Variants in RANBP2 observed in about 807,000 individuals in gnomAD.
RANBP2 encodes the protein E3 SUMO-protein ligase RanBP2.
RANBP2 carries 57 observed loss-of-function variants against 303.6 expected under a neutral mutation model. The ratio of observed to expected loss-of-function variants is 0.19; its 90% CI spans 0.15 to 0.23. The LOEUF (loss-of-function observed/expected upper bound fraction) is 0.23. Ranked by LOEUF, RANBP2 falls within the 10% of genes least tolerant of loss-of-function variation. The probability of loss-of-function intolerance (pLI) is 1.00; values close to 1 mark genes in which losing one functional copy is unlikely to be tolerated. For synonymous variants in RANBP2, 1,167 were observed against 1,301.5 expected, an observed-to-expected ratio of 0.90 and a Z score of 2.23; for missense variants, 3,138 against 3,780.8, an observed-to-expected ratio of 0.83 and a Z score of 4.46.
chr2:108,915,883 G>A, the RANBP2 span, among the ~76,000 whole-genome samples: 1 of 151,640 alleles, frequency 6.6e-6, no homozygotes, highest in Non-Finnish European at 1.5e-5. Flanking sequence ...GGCAACAAGA[G>A]CGAAACTCCA....
At chr2:109,046,751 T>A in the RANBP2 span, among the ~76,000 whole-genome samples, 1 of 152,102 alleles carries the variant, frequency 6.6e-6, no homozygotes, top group Non-Finnish European at 1.5e-5. Context: ...GAGACAGACA[T>A]AGCACCGTGC....
chr2:108,873,473 A>G, the RANBP2 span: 1 of 1,601,730 alleles, frequency 6.2e-7, no homozygotes, highest in Non-Finnish European at 8.5e-7. Flanking sequence ...CTTTCCTGGA[A>G]GCCTGTAGCA....
chr2:109,243,084 C>T, the RANBP2 span, among the ~76,000 whole-genome samples: 7 of 152,218 alleles, frequency 4.6e-5, no homozygotes, highest in Admixed American at 1.3e-4. Context: ...ATTCCTGTAG[C>T]GTCAGCAGCA....
At chr2:109,670,249 C>T in the RANBP2 span, among the ~76,000 whole-genome samples, 33 of 151,442 alleles carry the variant, frequency 2.2e-4, no homozygotes, top group African/African-American at 8.0e-4. Flanking sequence ...AACCTCTAGG[C>T]CTATGCCCCA....
the RANBP2 span, among the ~76,000 whole-genome samples, chr2:109,119,008 A>G: frequency 6.6e-6 from 1 of 152,206 alleles, no homozygotes; most frequent in Non-Finnish European, 1.5e-5. Context: ...CTGCGATTCT[A>G]TAACGGACTT....
chr2:109,289,499 T>A, the RANBP2 span, among the ~76,000 whole-genome samples: 17 of 152,166 alleles, frequency 1.1e-4, no homozygotes, highest in Non-Finnish European at 2.4e-4. Flanking sequence ...ATACGCACTC[T>A]TGGTCAGACA....
intron 1 of RANBP2, among the ~76,000 whole-genome samples, chr2:108,728,595 TATGATGATG>T (rs56238649): frequency 0.058 from 8,494 of 145,692 alleles, 279 homozygotes; most frequent in South Asian, 0.11. Context: ...CCAGCTTATT[TATGATGATG>T]ATGATGATGA....
rs1172245242 is a variant in RANBP2 at position 108,719,585 on chromosome 2, C to T, written c.-22C>T. 1.3e-6 allele frequency: 2 copies of T among 1,597,238 alleles called. No homozygotes were observed. The highest frequency in any genetic ancestry group is 1.7e-6 in the Non-Finnish European group (2 of 1,173,778). ...GCCTGAGCGCTGGTCTCACGCGCCTCGGGAGCCAGGTTGGCGGCGCGATGA... is the reference window on the plus strand; with the variant it reads ...GCCTGAGCGCTGGTCTCACGCGCCTTGGGAGCCAGGTTGGCGGCGCGATGA... On this transcript the variant is annotated 5_prime_UTR_variant, in exon 1 of 29. Coordinates refer to ENST00000283195, the MANE Select transcript of RANBP2 (RefSeq NM_006267.5).
chr2:109,239,393 A>C, the RANBP2 span, among the ~76,000 whole-genome samples: 1 of 152,236 alleles, frequency 6.6e-6, no homozygotes, highest in Admixed American at 6.5e-5. Flanking sequence ...ACAAAAATGA[A>C]CTGAATAAGA....
At chr2:108,886,152 G>A in the RANBP2 span, among the ~76,000 whole-genome samples, 3 of 152,128 alleles carry the variant, frequency 2.0e-5, no homozygotes, top group Admixed American at 6.5e-5. Flanking sequence ...GGATCCAGTG[G>A]TAATTCTAAT....
At chr2:109,279,856 C>T in the RANBP2 span, among the ~76,000 whole-genome samples, 3 of 150,792 alleles carry the variant, frequency 2.0e-5, no homozygotes, top group Non-Finnish European at 2.9e-5. Flanking sequence ...TGCCCTGTAG[C>T]GAGGCTTAGG....
the RANBP2 span, chr2:109,544,885 T>C: frequency 1.1e-6 from 1 of 899,728 alleles, no homozygotes; most frequent in South Asian, 5.1e-5. Flanking sequence ...CTTGGAGAGC[T>C]TGCATTGAAA....
At chr2:109,259,783 A>G in the RANBP2 span, among the ~76,000 whole-genome samples, 1 of 152,176 alleles carries the variant, frequency 6.6e-6, no homozygotes, top group African/African-American at 2.4e-5. Flanking sequence ...AGCTTTATTC[A>G]GACAAGTTTC....
chr2:108,975,464 C>T, the RANBP2 span, among the ~76,000 whole-genome samples: 2 of 152,164 alleles, frequency 1.3e-5, 1 homozygote, highest in Non-Finnish European at 2.9e-5. Flanking sequence ...AGACCTGCGT[C>T]TACTTTAACC....
At chr2:109,247,149 A>C in the RANBP2 span, among the ~76,000 whole-genome samples, 1 of 152,198 alleles carries the variant, frequency 6.6e-6, no homozygotes, top group African/African-American at 2.4e-5. Flanking sequence ...GAGACATGAA[A>C]CATGGAGTTT....
chr2:109,275,041 A>T, the RANBP2 span, among the ~76,000 whole-genome samples: 1 of 152,230 alleles, frequency 6.6e-6, no homozygotes, highest in South Asian at 2.1e-4. Flanking sequence ...AGATTACCAT[A>T]ATGTAAAATT....
the RANBP2 span, chr2:109,347,878 C>A: frequency 6.2e-7 from 1 of 1,612,860 alleles, no homozygotes; most frequent in Non-Finnish European, 8.5e-7. Context: ...CGCCCCGCCC[C>A]AGGGAAAAGC....
the RANBP2 span, among the ~76,000 whole-genome samples, chr2:109,726,254 C>T: frequency 6.6e-6 from 1 of 151,778 alleles, no homozygotes; most frequent in Non-Finnish European, 1.5e-5. Flanking sequence ...ACTAAAAATA[C>T]AAGAGTAGCG....
chr2:109,359,665 AT>A, the RANBP2 span, among the ~76,000 whole-genome samples: 1 of 152,140 alleles, frequency 6.6e-6, no homozygotes, highest in Non-Finnish European at 1.5e-5. Context: ...AAAATCCAAA[AT>A]TTTTTGAGCA....
Sources: gnomAD v4.1 joint callset for allele counts (sites outside exome capture counted in the v4.1 genomes callset) on GRCh38, gnomAD v4.1.1 for gene constraint, MANE v1.5 for transcripts, NCBI Gene and HGNC (gene_info 2026-07-23, HGNC 2026-07-21) for gene names.